NTRK3: variants seen among roughly 807,000 people sequenced by gnomAD.
NTRK3 encodes the protein neurotrophic receptor tyrosine kinase 3, also known as NT-3 growth factor receptor.
A neutral mutation model predicts 91.7 loss-of-function variants in NTRK3; 24 were observed. The ratio of observed to expected loss-of-function variants is 0.26; its 90% CI spans 0.19 to 0.37. The LOEUF is 0.37. NTRK3 is among the 10% of genes least tolerant of loss of function. The pLI, the probability that NTRK3 is intolerant of heterozygous loss-of-function variation, is 1.00. For synonymous variants in NTRK3, 483 were observed against 404.0 expected, an observed-to-expected ratio of 1.20 and a Z score of -2.34; for missense variants, 880 against 1,068.9, an observed-to-expected ratio of 0.82 and a Z score of 2.46.
chr15:88,144,709 C>A (rs560909057), intron 6 of NTRK3, among the ~76,000 whole-genome samples: 1 of 152,258 alleles, frequency 6.6e-6, no homozygotes, highest in East Asian at 1.9e-4. Flanking sequence ...TAACACTGGT[C>A]ACACTGCTAC....
chr15:88,057,484 C>G (rs902313521), intron 13 of NTRK3, among the ~76,000 whole-genome samples: 1 of 149,416 alleles, frequency 6.7e-6, no homozygotes, highest in Non-Finnish European at 1.5e-5. Flanking sequence ...GGAGACAGAG[C>G]GAGACTCCCT....
intron 16 of NTRK3, 147 bp downstream of exon 16, chr15:87,932,865 T>C (rs998156777): frequency 7.2e-6 from 6 of 836,946 alleles, no homozygotes; most frequent in Non-Finnish European, 7.9e-6. Context: ...GCTAAGGAGA[T>C]CATGTATAAG....
intron 17 of NTRK3, among the ~76,000 whole-genome samples, chr15:87,904,478 C>A (rs1050681594): frequency 3.9e-5 from 6 of 152,078 alleles, no homozygotes; most frequent in Admixed American, 2.0e-4. Flanking sequence ...TTAATATGGG[C>A]CTTTGGGATC....
At chr15:87,917,671 C>T (rs1421477122) in intron 17 of NTRK3, among the ~76,000 whole-genome samples, 2 of 152,170 alleles carry the variant, frequency 1.3e-5, no homozygotes, top group African/African-American at 2.4e-5. Context: ...GAGGGAATGG[C>T]CTGGTGCCAT....
intron 14 of NTRK3, among the ~76,000 whole-genome samples, chr15:87,961,220 C>T (rs756775245): frequency 4.6e-5 from 7 of 152,172 alleles, no homozygotes; most frequent in Non-Finnish European, 8.8e-5. Flanking sequence ...ATATGACTTC[C>T]CTGTGCACAG....
chr15:87,897,029 C>T (rs571356349), intron 17 of NTRK3, among the ~76,000 whole-genome samples: 23 of 152,228 alleles, frequency 1.5e-4, no homozygotes, highest in Admixed American at 3.3e-4. Flanking sequence ...TGACAGTTTA[C>T]GCAAACAGCA....
At chr15:88,032,981 G>A (rs2142021872) in exon 14 of NTRK3, 4 of 1,611,224 alleles carry the variant, frequency 2.5e-6, no homozygotes, top group Non-Finnish European at 3.4e-6. Flanking sequence ...GCGTGGTGAT[G>A]CCGTGGTTGA....
At chr15:87,905,778 C>A (rs902107122) in intron 17 of NTRK3, among the ~76,000 whole-genome samples, 1 of 152,192 alleles carries the variant, frequency 6.6e-6, no homozygotes, top group African/African-American at 2.4e-5. Flanking sequence ...TTCCAACGTG[C>A]GTGAGCCCCA....
intron 3 of NTRK3, among the ~76,000 whole-genome samples, chr15:88,218,074 A>G (rs1353410736): frequency 6.6e-6 from 1 of 152,024 alleles, no homozygotes; most frequent in Non-Finnish European, 1.5e-5. Flanking sequence ...CTAAAGACCC[A>G]CTGTGGGGGC....
intron 14 of NTRK3, among the ~76,000 whole-genome samples, chr15:88,020,715 C>T (rs1394688030): frequency 6.6e-6 from 1 of 152,166 alleles, no homozygotes. Flanking sequence ...GTGTCTTGCC[C>T]ACAGTCATGC....
intron 5 of NTRK3, 39 bp downstream of exon 5, chr15:88,183,379 G>C (rs1459416395): frequency 1.9e-6 from 3 of 1,602,332 alleles, no homozygotes; most frequent in Non-Finnish European, 2.6e-6. Context: ...AAGAGTACCT[G>C]CCATGTGCCC....
intron 5 of NTRK3, among the ~76,000 whole-genome samples, chr15:88,159,369 G>C (rs112306628): frequency 6.6e-6 from 1 of 152,322 alleles, no homozygotes; most frequent in African/African-American, 2.4e-5. Context: ...AAAGCATTGA[G>C]GGGAGAGGTT....
intron 6 of NTRK3, among the ~76,000 whole-genome samples, chr15:88,147,062 A>G (rs1359646382): frequency 6.6e-6 from 1 of 152,178 alleles, no homozygotes; most frequent in Non-Finnish European, 1.5e-5. Flanking sequence ...TTATACTATT[A>G]TAACTAATTA....
intron 17 of NTRK3, among the ~76,000 whole-genome samples, chr15:87,907,956 C>G (rs2066868727): frequency 6.6e-6 from 1 of 152,314 alleles, no homozygotes; most frequent in South Asian, 2.1e-4. Flanking sequence ...TCCTGAGCAT[C>G]AGGTCTGTTA....
At chr15:88,196,437 G>T (rs539177283) in intron 3 of NTRK3, among the ~76,000 whole-genome samples, 2 of 152,192 alleles carry the variant, frequency 1.3e-5, no homozygotes, top group Non-Finnish European at 2.9e-5. Context: ...AGAAGAATGT[G>T]GAGCAGGGGC....
intron 6 of NTRK3, 89 bp downstream of exon 6, chr15:88,147,246 C>A (rs2042968378): frequency 7.4e-6 from 9 of 1,220,122 alleles, no homozygotes; most frequent in Admixed American, 1.8e-5. Flanking sequence ...GTATGCTCAG[C>A]CTTCAGGTGG....
chr15:88,032,907 T>C (rs1480340273), exon 14 of NTRK3: 3 of 1,613,666 alleles, frequency 1.9e-6, no homozygotes, highest in Non-Finnish European at 2.5e-6. Context: ...CTGGGGGTTC[T>C]CAATGACAGG....
chr15:87,968,751 A>T (rs1380837377), intron 14 of NTRK3, among the ~76,000 whole-genome samples: 1 of 152,136 alleles, frequency 6.6e-6, no homozygotes, highest in Non-Finnish European at 1.5e-5. Flanking sequence ...AGTGACTAAG[A>T]GCGTGTTTGT....
chr15:87,907,617 G>T (rs1334963922), intron 17 of NTRK3, among the ~76,000 whole-genome samples: 1 of 152,064 alleles, frequency 6.6e-6, no homozygotes, highest in African/African-American at 2.4e-5. Flanking sequence ...GCAGCCTCTG[G>T]CCTGTGGAAA....
Sources: gnomAD v4.1 joint callset for allele counts (sites outside exome capture counted in the v4.1 genomes callset) on GRCh38, gnomAD v4.1.1 for gene constraint, MANE v1.5 for transcripts, NCBI Gene and HGNC (gene_info 2026-07-23, HGNC 2026-07-21) for gene names.